GOT2: variants seen among roughly 807,000 people sequenced by gnomAD.
The protein encoded by GOT2 is glutamic-oxaloacetic transaminase 2, also known as aspartate aminotransferase, mitochondrial.
Under a neutral mutation model 50.0 loss-of-function variants are expected in GOT2, and 17 were observed. The observed-to-expected ratio is 0.34, with a 90% confidence interval of 0.23 to 0.51. The LOEUF is 0.51. GOT2 is among the 20% of genes least tolerant of loss of function. The pLI is 0.97. For synonymous variants in GOT2, 172 were observed against 204.9 expected, an observed-to-expected ratio of 0.84 and a Z score of 1.37; for missense variants, 430 against 559.6, an observed-to-expected ratio of 0.77 and a Z score of 2.34.
intron 6 of GOT2, among the ~76,000 whole-genome samples, chr16:58,717,342 G>A (rs553381091): frequency 4.0e-5 from 6 of 151,844 alleles, no homozygotes; most frequent in South Asian, 2.1e-4. Flanking sequence ...GTGCCACTGC[G>A]TTCTGGCTTA....
chr16:58,731,331 G>C (rs59515227), intron 1 of GOT2, among the ~76,000 whole-genome samples: 3 of 152,038 alleles, frequency 2.0e-5, no homozygotes, highest in African/African-American at 7.2e-5. Flanking sequence ...TTTATGTAGA[G>C]ACGGGGTCTT....
intron 9 of GOT2, 39 bp downstream of exon 9, chr16:58,709,378 G>C: frequency 6.5e-7 from 1 of 1,528,020 alleles, no homozygotes; most frequent in Non-Finnish European, 9.0e-7. Context: ...TGCAAAGACT[G>C]ATCAGCTGGT....
chr16:58,732,129 G>A (rs183295213), intron 1 of GOT2, among the ~76,000 whole-genome samples: 16 of 152,262 alleles, frequency 1.1e-4, no homozygotes, highest in Non-Finnish European at 1.8e-4. Context: ...AACACAGGGA[G>A]ACTCTGTCTC....
At position 58,722,229 on chromosome 16, in the gene GOT2, A is replaced by G. The variant is rs982114598; in HGVS notation, c.296T>C (p.Ile99Thr). Residue 99 changes from isoleucine to threonine, a missense_variant, in exon 3 of 10, where the codon ATT becomes ACT. Transcript: ENST00000245206. ...CTTGCAAAATTCAGCCAGTCCCCCA[A>G]TGGGCAGGTATTCCTTGTCCAAATT... The part of the protein sequence containing the change: ...AKNLDKEYLP[I>T]GGLAEFCKAS... The G allele has an allele frequency of 7.4e-6, 12 of 1,612,774 alleles. No homozygotes were observed. Among genetic ancestry groups the G allele is most frequent in the African/African-American group, 4.0e-5 (3 of 74,880 alleles).
chr16:58,726,962 T>C (rs1010228388), intron 1 of GOT2, among the ~76,000 whole-genome samples: 1 of 152,030 alleles, frequency 6.6e-6, no homozygotes, highest in African/African-American at 2.4e-5. Flanking sequence ...GAGACCAGTC[T>C]GACCAACACG....
At chr16:58,732,293 G>C (rs1032463431) in intron 1 of GOT2, among the ~76,000 whole-genome samples, 17 of 151,810 alleles carry the variant, frequency 1.1e-4, no homozygotes, top group African/African-American at 4.1e-4. Flanking sequence ...AACACAGTGA[G>C]ACCCTGTATT....
rs1330845517 is a variant in GOT2 at position 58,709,507 on chromosome 16, G to A, written c.1080C>T (p.Ser360=). The part of the protein sequence containing the change: ...RIIGMRTQLV[S]NLKKEGSTHN... ...GGGTGGAACCCTCCTTCTTGAGGTT[G>A]GAGACCAGTTGAGTCCGCATGCCAA... The change falls in exon 9 of 10, where the codon TCC becomes TCT. Residue 360 remains serine (S), a synonymous_variant. Transcript: ENST00000245206. 3 of 1,613,706 alleles carry A rather than the reference G, an allele frequency of 1.9e-6. No individual in the cohort carries two copies. The African/African-American group carries it at 4.0e-5, about 22-fold the overall frequency.
chr16:58,711,988 T>C (rs559794941), intron 8 of GOT2, among the ~76,000 whole-genome samples: 1 of 152,238 alleles, frequency 6.6e-6, no homozygotes, highest in Admixed American at 6.5e-5. Flanking sequence ...CGAAAACAAC[T>C]TGGGGCTTTC....
At chr16:58,722,384 T>A in intron 2 of GOT2, 106 bp from the exon 3 acceptor site, 1 of 1,167,336 alleles carries the variant, frequency 8.6e-7, no homozygotes, top group Non-Finnish European at 1.2e-6. Flanking sequence ...AAGTCTTTTT[T>A]TTTTGAGATG....
At position 58,708,212 on chromosome 16, in the gene GOT2, C is replaced by T. The variant is rs761012744; in HGVS notation, c.1252G>A (p.Val418Met). 1.5e-5 allele frequency: 25 copies of T among 1,613,942 alleles called. No individual in the cohort carries two copies. Among genetic ancestry groups the T allele is most frequent in the East Asian group, 2.2e-5 (1 of 44,878 alleles). ...TGAATGGCATGGGCAAGGTAGCCCA[C>T]GTTGCTGGAGGTGACCCCTGCCACA... is the stretch of plus-strand genomic sequence containing the variant. ...ISVAGVTSSNVGYLAHAIHQV... is the reference protein window; with the variant it reads ...ISVAGVTSSNMGYLAHAIHQV... Residue 418 changes from valine (V) to methionine (M), a missense_variant, in exon 10 of 10, where the codon GTG becomes ATG. By Grantham distance (21) the Val-to-Met change is conservative. Coordinates refer to ENST00000245206, the MANE Select transcript of GOT2 (RefSeq NM_002080.4).
At position 58,716,790 on chromosome 16, in the gene GOT2, A is replaced by G. The variant is rs141456453; in HGVS notation, c.726T>C (p.Phe242=). Residue 242 remains phenylalanine (F), a synonymous_variant, in exon 7 of 10, where the codon TTT becomes TTC. Coordinates refer to ENST00000245206, the MANE Select transcript of GOT2 (RefSeq NM_002080.4). The part of the protein sequence containing the change: ...VVKKRNLFAF[F]DMAYQGFASG... ...TGGCAAAGCCTTGGTAGGCCATGTCAAAGAACGCAAAGAGATTCCTTTTCT... is the reference window on the plus strand; with the variant it reads ...TGGCAAAGCCTTGGTAGGCCATGTCGAAGAACGCAAAGAGATTCCTTTTCT... 1.9e-6 allele frequency: 3 copies of G among 1,614,052 alleles called. No homozygotes were observed. Among genetic ancestry groups the G allele is most frequent in the Non-Finnish European group, 8.5e-7 (1 of 1,180,022 alleles).
intron 1 of GOT2, among the ~76,000 whole-genome samples, chr16:58,733,149 T>G (rs1366041519): frequency 1.3e-5 from 2 of 152,134 alleles, no homozygotes; most frequent in African/African-American, 4.8e-5. Context: ...TTAAGGAGAG[T>G]GCTCCAAATC....
chr16:58,719,306 C>T (rs1053531013), intron 3 of GOT2, 51 bp from the exon 4 acceptor site: 6 of 1,301,696 alleles, frequency 4.6e-6, no homozygotes, highest in Middle Eastern at 2.0e-4. Flanking sequence ...TCTATACAGG[C>T]CCAGACCCAG....
At position 58,718,634 on chromosome 16, in the gene GOT2, T is replaced by C; in HGVS notation, c.490A>G (p.Asn164Asp). The change falls in exon 5 of 10, where the codon AAC (asparagine) becomes GAC (aspartate). Residue 164 changes from asparagine (N) to aspartate (D), a missense_variant. Physicochemically the swap from Asn to Asp is conservative, Grantham distance 23 (BLOSUM62 1). Coordinates refer to ENST00000245206, the MANE Select transcript of GOT2 (RefSeq NM_002080.4). ...DVFLPKPTWG[N>D]HTPIFRDAGM... The stretch of plus-strand genomic sequence containing the variant: ...GCATCCCTGAAGATGGGTGTGTGGT[T>C]TCCCCAGGTTGGTTTGGGCAGAAAG... 1.2e-6 allele frequency: 2 copies of C among 1,607,276 alleles called. No homozygotes were observed.
intron 3 of GOT2, chr16:58,721,874 AG>A (rs566658290): frequency 4.2e-5 from 9 of 216,602 alleles, no homozygotes; most frequent in Non-Finnish European, 8.3e-5. Flanking sequence ...TCTGCCTTCC[AG>A]GTTCAAGTGA....
rs2044758705 is a variant in GOT2, at chr16:58,723,730, T to C, written c.246+16A>G. 6.2e-7 allele frequency: 1 copy of C among 1,605,830 alleles called. No homozygotes were observed. Among genetic ancestry groups the C allele is most frequent in the Non-Finnish European group, 8.5e-7 (1 of 1,172,840 alleles). ...TTTATTCATCCCATTCAAAAGGAGA[T>C]GAACAGCAAGCTCACCTTGCGGACG... On this transcript the variant is annotated intron_variant, in intron 2 of 9. Coordinates refer to ENST00000245206, the MANE Select transcript of GOT2 (RefSeq NM_002080.4).
intron 1 of GOT2, among the ~76,000 whole-genome samples, chr16:58,729,927 T>TAAAA (rs1319054528): frequency 3.3e-5 from 5 of 151,376 alleles, no homozygotes; most frequent in African/African-American, 9.7e-5. Context: ...ATTTTTTTTT[T>TAAAA]AAAAATGTAA....
chr16:58,709,163 G>A (rs2044624919), intron 9 of GOT2: 1 of 314,988 alleles, frequency 3.2e-6, no homozygotes, highest in Admixed American at 4.7e-5. Context: ...TCGGGAGGCT[G>A]AGGCAGGAGG....
chr16:58,718,813 G>A lies in GOT2; in HGVS notation c.436-125C>T, dbSNP rs548472170. 6.4e-4 allele frequency: 493 copies of A among 766,718 alleles called. 2 individuals carry two copies. The highest frequency in any genetic ancestry group is 8.3e-4 in the Non-Finnish European group (406 of 487,018). 47.5% of individuals were successfully genotyped at this position (766,718 alleles called of 1,614,324 possible). On this transcript the variant is annotated intron_variant, in intron 4 of 9. Coordinates refer to ENST00000245206, the MANE Select transcript of GOT2 (RefSeq NM_002080.4). ...AGTTTCTCTCTATGGTTGAGAAGCA[G>A]TATTGACTCAGCAGTAAGACTGCCT...
Sources: gnomAD v4.1 joint callset for allele counts (sites outside exome capture counted in the v4.1 genomes callset) on GRCh38, gnomAD v4.1.1 for gene constraint, MANE v1.5 for transcripts, NCBI Gene and HGNC (gene_info 2026-07-23, HGNC 2026-07-21) for gene names.